Variants in PIK3CG observed in about 807,000 individuals in gnomAD.
PIK3CG encodes the protein phosphatidylinositol-4,5-bisphosphate 3-kinase catalytic subunit gamma, also known as phosphatidylinositol 4,5-bisphosphate 3-kinase catalytic subunit gamma isoform.
PIK3CG carries 55 observed loss-of-function variants against 102.3 expected under a neutral mutation model. The observed-to-expected ratio is 0.54, with a 90% CI of 0.43 to 0.67. PIK3CG has a LOEUF of 0.67. Among genes scored for constraint, PIK3CG ranks in the 30% least tolerant of loss-of-function variants. The probability of loss-of-function intolerance (pLI) is 0.00; values close to 1 mark genes in which losing one functional copy is unlikely to be tolerated. For synonymous variants in PIK3CG, 552 were observed against 540.0 expected (o/e 1.02, Z -0.31); for missense variants, 1,258 against 1,391.8 (o/e 0.90, Z 1.53).
At position 106,867,109 on chromosome 7, in the gene PIK3CG, A is replaced by T. The variant is rs1790312126; in HGVS notation, c.-12-441A>T. 6.6e-6 allele frequency among the ~76,000 whole-genome samples: 1 copy of T among 152,218 alleles called. No individual in the cohort carries two copies. Among genetic ancestry groups the T allele is most frequent in the African/African-American group, 2.4e-5 (1 of 41,460 alleles). On this transcript the variant is annotated intron_variant, in intron 1 of 10. Transcript: ENST00000496166. This position sits in a 1 kb window ranked among gnomAD's most constrained non-coding sequence, Gnocchi z 5.1. ...TATATGTTTCAGTATGTTTAAGAAC[A>T]ATGTCCATTCTGAGCCATTATAATG... is the stretch of plus-strand genomic sequence containing the variant.
chr7:106,904,077 T>C (rs1791629646), intron 10 of PIK3CG, among the ~76,000 whole-genome samples: 1 of 152,142 alleles, frequency 6.6e-6, no homozygotes, highest in South Asian at 2.1e-4. Flanking sequence ...TCTGATTTCA[T>C]ACTTCACTTC....
chr7:106,867,434 C>A lies in PIK3CG; in HGVS notation c.-12-116C>A. ...GCTTCCAGTTTAAAATACTTGGTCC[C>A]TCTGGGTCCCTGTGCACATGTACGC... On this transcript the variant is annotated intron_variant, in intron 1 of 10. Coordinates refer to ENST00000496166, the MANE Select transcript of PIK3CG (RefSeq NM_001282426.2). This position sits in a 1 kb window ranked among gnomAD's most constrained non-coding sequence, Gnocchi z 5.1. 1 of 940,890 alleles carries A rather than the reference C, an allele frequency of 1.1e-6. No homozygotes were observed. Among genetic ancestry groups the A allele is most frequent in the Non-Finnish European group, 1.6e-6 (1 of 618,384 alleles). 58.3% of individuals were successfully genotyped at this position (940,890 alleles called of 1,614,324 possible).
rs1287109352 is a variant in PIK3CG at position 106,908,660 on chromosome 7, G to T, written c.*3273G>T. 5.3e-5 allele frequency among the ~76,000 whole-genome samples: 8 copies of T among 152,052 alleles called. No homozygotes were observed. On this transcript the variant is annotated 3_prime_UTR_variant, in exon 11 of 11. Coordinates refer to ENST00000496166, the MANE Select transcript of PIK3CG (RefSeq NM_001282426.2). This position sits in a 1 kb window ranked among gnomAD's most constrained non-coding sequence, Gnocchi z 4.1. ...ACTGTAGTAAATATATCTTTTTCAG[G>T]TGATGAATTATTTTTTTAAAAAAGG...
intron 10 of PIK3CG, among the ~76,000 whole-genome samples, chr7:106,886,496 T>A (rs1791098207): frequency 6.6e-6 from 1 of 152,018 alleles, no homozygotes; most frequent in Non-Finnish European, 1.5e-5. Flanking sequence ...TCAGTAATCC[T>A]CCCACCTAAA....
At chr7:106,866,783 T>C (rs1245899469) in intron 1 of PIK3CG, among the ~76,000 whole-genome samples, 4 of 152,252 alleles carry the variant, frequency 2.6e-5, no homozygotes, top group Non-Finnish European at 4.4e-5. Flanking sequence ...TGGTTTTGAC[T>C]GTAACTTTAC....
rs1423102077 is a variant in PIK3CG, at chr7:106,877,613, T to C, written c.2392-1906T>C. On this transcript the variant is annotated intron_variant, in intron 5 of 10. Coordinates refer to ENST00000496166, the MANE Select transcript of PIK3CG (RefSeq NM_001282426.2). This position sits in a 1 kb window ranked among gnomAD's most constrained non-coding sequence, Gnocchi z 4.5. ...TTTCAGCACCATGTGTTGAAAAGAC[T>C]GTTTTGTTTTGTTTTGTTTTGTTTT... 8.0e-5 allele frequency among the ~76,000 whole-genome samples: 5 copies of C among 62,688 alleles called. No individual in the cohort carries two copies. The East Asian group carries it at 2.8e-3, about 36-fold the overall frequency. 41.1% of individuals were successfully genotyped at this position (62,688 alleles called of 152,430 possible).
rs4288294 is a variant in PIK3CG at position 106,890,482 on chromosome 7, C to T, written c.3030+4190C>T. ...AGGCGTGAGCCAGCGTGCCCAGCCC[C>T]GAATGTGTTGTTTTTTAAAATTTTA... On this transcript the variant is annotated intron_variant, in intron 10 of 10. Coordinates refer to ENST00000496166, the MANE Select transcript of PIK3CG (RefSeq NM_001282426.2). This position sits in a 1 kb window ranked among gnomAD's most constrained non-coding sequence, Gnocchi z 4.2. Among the ~76,000 whole-genome samples, 56,347 of 152,070 alleles carry T rather than the reference C, an allele frequency of 0.37. 10,572 individuals carry two copies. Among genetic ancestry groups the T allele is most frequent in the East Asian group, 0.42 (2,176 of 5,166 alleles).
At chr7:106,901,358 A>G (rs1164841861) in intron 10 of PIK3CG, among the ~76,000 whole-genome samples, 1 of 151,358 alleles carries the variant, frequency 6.6e-6, no homozygotes, top group African/African-American at 2.4e-5. Context: ...TGCTATTAAT[A>G]CTTGTGATTA....
At chr7:106,876,131 G>T (rs1466252942) in intron 5 of PIK3CG, among the ~76,000 whole-genome samples, 1 of 149,736 alleles carries the variant, frequency 6.7e-6, no homozygotes, top group African/African-American at 2.5e-5. Context: ...AGCCAGGATG[G>T]TCTCGATCTC....
intron 10 of PIK3CG, among the ~76,000 whole-genome samples, chr7:106,886,811 C>A (rs971585888): frequency 7.9e-5 from 12 of 152,134 alleles, no homozygotes; most frequent in Non-Finnish European, 7.4e-5. Context: ...GTTGGTTTGA[C>A]CACAAGTTCT....
chr7:106,905,442 G>C lies in PIK3CG; in HGVS notation c.*55G>C, dbSNP rs1349162508. ...GTGTTCTATGGTTTAAATTAGCATAGCAATCATCGAACTTGGATTTCAAAT... is the reference window on the plus strand; with the variant it reads ...GTGTTCTATGGTTTAAATTAGCATACCAATCATCGAACTTGGATTTCAAAT... On this transcript the variant is annotated 3_prime_UTR_variant, in exon 11 of 11. Coordinates refer to ENST00000496166, the MANE Select transcript of PIK3CG (RefSeq NM_001282426.2). This position sits in a 1 kb window ranked among gnomAD's most constrained non-coding sequence, Gnocchi z 5.6. 4.0e-6 allele frequency: 6 copies of C among 1,502,468 alleles called. No homozygotes were observed. The highest frequency in any genetic ancestry group is 4.5e-6 in the Non-Finnish European group (5 of 1,104,772). The allele number at this position is 1,502,468 out of a possible 1,614,324, so 93.1% of individuals were successfully genotyped here.
intron 10 of PIK3CG, among the ~76,000 whole-genome samples, chr7:106,901,090 C>G (rs144521014): frequency 2.6e-4 from 40 of 152,292 alleles, no homozygotes; most frequent in African/African-American, 9.6e-4. Context: ...CTGAATTTGA[C>G]TGTCAGCTTC....
Position 106,869,256 on chromosome 7 carries a change from C to A in PIK3CG, c.1695C>A (p.Asn565Lys), listed in dbSNP as rs1263245774. Residue 565 changes from asparagine to lysine, a missense_variant, in exon 2 of 11, where the codon AAC (asparagine) becomes AAA (lysine). Around this residue, in one of 2 missense-constraint regions of PIK3CG, gnomAD observed 832 missense variants for 787.5 expected, o/e 1.06. Transcript: ENST00000496166. The surrounding 1 kb of genome is among the most constrained non-coding windows in gnomAD (Gnocchi z 5.3). ...CGATCATAGCCACTGATCCACTTAACCCTCTCACAGCAGAGGACAAAGAAT... is the reference window on the plus strand; with the variant it reads ...CGATCATAGCCACTGATCCACTTAAACCTCTCACAGCAGAGGACAAAGAAT... ...LEAIIATDPLNPLTAEDKELL... is the reference protein window; with the variant it reads ...LEAIIATDPLKPLTAEDKELL... The A allele has an allele frequency of 3.1e-6, 5 of 1,614,210 alleles. No individual in the cohort carries two copies. The highest frequency in any genetic ancestry group is 1.3e-5 in the African/African-American group (1 of 75,064).
chr7:106,868,510 G>A lies in PIK3CG; in HGVS notation c.949G>A (p.Glu317Lys), dbSNP rs759136884. 3.7e-6 allele frequency: 6 copies of A among 1,614,142 alleles called. No individual in the cohort carries two copies. In the Admixed American group the frequency reaches 5.0e-5, roughly 13 times the overall value. The change falls in exon 2 of 11, where the codon GAG becomes AAG. Residue 317 changes from glutamate (E) to lysine (K), a missense_variant. Physicochemically the swap from Glu to Lys is moderately conservative, Grantham distance 56 (BLOSUM62 1). Around this residue, in one of 2 missense-constraint regions of PIK3CG, gnomAD observed 832 missense variants for 787.5 expected, o/e 1.06. Transcript: ENST00000496166. The surrounding 1 kb of genome is among the most constrained non-coding windows in gnomAD (Gnocchi z 6.2). Reference protein sequence around the residue: ...LDTPPDPALDEVRKEEWPLVD... With the variant: ...LDTPPDPALDKVRKEEWPLVD... ...CACGCCTCCAGACCCGGCCCTAGACGAGGTGAGGAAGGAAGAGTGGCCACT... is the reference window on the plus strand; with the variant it reads ...CACGCCTCCAGACCCGGCCCTAGACAAGGTGAGGAAGGAAGAGTGGCCACT...
In PIK3CG at chr7:106,905,116, G is replaced by C. The variant is rs2116616917; in HGVS notation, c.3038G>C (p.Cys1013Ser). The C allele has an allele frequency of 1.2e-6, 2 of 1,613,660 alleles. No homozygotes were observed. The highest frequency in any genetic ancestry group is 8.5e-7 in the Non-Finnish European group (1 of 1,179,750). The part of the protein sequence containing the change: ...SPHFQKFQDI[C>S]VKAYLALRHH... The stretch of plus-strand genomic sequence containing the variant: ...TTCTTCTTCTTTATCCAGGACATCT[G>C]TGTTAAGGCTTATCTAGCCCTTCGT... The change falls in exon 11 of 11, where the codon TGT becomes TCT. Residue 1013 changes from cysteine to serine, a missense_variant. Physicochemically the swap from Cys to Ser is moderately radical, Grantham distance 112 (BLOSUM62 -1). Coordinates refer to ENST00000496166, the MANE Select transcript of PIK3CG (RefSeq NM_001282426.2). The surrounding 1 kb of genome is among the most constrained non-coding windows in gnomAD (Gnocchi z 5.6).
At position 106,894,561 on chromosome 7, in the gene PIK3CG, T is replaced by C. The variant is rs1175398355; in HGVS notation, c.3030+8269T>C. ...TAATAATCAGTGACCTTCTCTGTTT[T>C]GCCAAAATAATTCCTAAAGACTGGC... On this transcript the variant is annotated intron_variant, in intron 10 of 10. Coordinates refer to ENST00000496166, the MANE Select transcript of PIK3CG (RefSeq NM_001282426.2). The surrounding 1 kb of genome is among the most constrained non-coding windows in gnomAD (Gnocchi z 4.4). Among the ~76,000 whole-genome samples the C allele has an allele frequency of 6.6e-6, 1 of 152,234 alleles. No individual in the cohort carries two copies. The highest frequency in any genetic ancestry group is 6.5e-5 in the Admixed American group (1 of 15,288).
rs1791387821 is a variant in PIK3CG, at chr7:106,895,618, C to A, written c.3030+9326C>A. Among the ~76,000 whole-genome samples, 1 of 152,140 alleles carries A rather than the reference C, an allele frequency of 6.6e-6. No individual in the cohort carries two copies. Among genetic ancestry groups the A allele is most frequent in the Non-Finnish European group, 1.5e-5 (1 of 68,024 alleles). On this transcript the variant is annotated intron_variant, in intron 10 of 10. Transcript: ENST00000496166. The surrounding 1 kb of genome is among the most constrained non-coding windows in gnomAD (Gnocchi z 5.4). Reference sequence around the variant, plus strand: ...TTATCCCCAACTCCAACCTACCTCACCCCCTAGGCCTTTACTAAGAGACCT... The same window carrying A: ...TTATCCCCAACTCCAACCTACCTCAACCCCTAGGCCTTTACTAAGAGACCT...
rs1393833021 is a variant in PIK3CG, at chr7:106,879,435, G to A, written c.2392-84G>A. On this transcript the variant is annotated intron_variant, in intron 5 of 10. Transcript: ENST00000496166. This position sits in a 1 kb window ranked among gnomAD's most constrained non-coding sequence, Gnocchi z 4.9. Reference sequence around the variant, plus strand: ...GGACTTTGTCCTTGTTGTTTATAGTGATGTTTTGCAAGAGAATTTGTGTCT... The same window carrying A: ...GGACTTTGTCCTTGTTGTTTATAGTAATGTTTTGCAAGAGAATTTGTGTCT... The A allele has an allele frequency of 2.3e-5, 25 of 1,066,072 alleles. No homozygotes were observed. Among genetic ancestry groups the A allele is most frequent in the African/African-American group, 4.7e-5 (3 of 63,734 alleles). 66.0% of individuals were successfully genotyped at this position (1,066,072 alleles called of 1,614,324 possible). A position where few individuals can be genotyped will look rare whatever the true frequency, so the allele number is the denominator to read the frequency against.
Position 106,869,301 on chromosome 7 carries a change from C to G in PIK3CG, c.1740C>G (p.Tyr580Ter). 1 of 1,614,184 alleles carries G rather than the reference C, an allele frequency of 6.2e-7. No homozygotes were observed. ...AAGAATTGCTCTGGCATTTTAGATA[C>G]GAAAGCCTTAAGCACCCAAAAGCAT... ...EDKELLWHFR[Y>*]ESLKHPKAYP... Residue 580 changes from tyrosine to a stop codon, truncating the protein, a stop_gained, in exon 2 of 11, where the codon TAC becomes TAG. Transcript: ENST00000496166. LOFTEE classifies it high-confidence loss of function. The surrounding 1 kb of genome is among the most constrained non-coding windows in gnomAD (Gnocchi z 5.3).
Sources: allele counts gnomAD v4.1 joint callset (sites outside exome capture counted in the v4.1 genomes callset), GRCh38; gene constraint gnomAD v4.1.1; regional missense constraint gnomAD v4.1.1; non-coding constraint Gnocchi (gnomAD v3.1); transcripts MANE v1.5; gene names NCBI Gene and HGNC (gene_info 2026-07-23, HGNC 2026-07-21).